Variants in GABBR2 observed in about 807,000 individuals in gnomAD.
GABBR2 encodes G-protein coupled receptor 51.
A neutral mutation model predicts 105.6 loss-of-function variants in GABBR2; 23 were observed. That is an observed-to-expected ratio of 0.22 (90% CI 0.16 to 0.31). GABBR2 has a LOEUF of 0.31. Ranked by LOEUF, GABBR2 falls within the 10% of genes least tolerant of loss-of-function variation. GABBR2 has a pLI of 1.00. For missense variants in GABBR2, 734 were observed against 1,245.5 expected (o/e 0.59, Z 6.18); for synonymous variants, 478 against 499.7 (o/e 0.96, Z 0.58).
chr9:98,426,248 G>A (rs957013643), intron 7 of GABBR2, among the ~76,000 whole-genome samples: 9 of 152,204 alleles, frequency 5.9e-5, no homozygotes, highest in South Asian at 2.1e-4. Context: ...CAGAGTCAGC[G>A]CAGTGTGACA....
intron 3 of GABBR2, among the ~76,000 whole-genome samples, chr9:98,538,194 C>A (rs375249301): frequency 6.6e-6 from 1 of 152,296 alleles, no homozygotes; most frequent in Admixed American, 6.5e-5. Flanking sequence ...GATAAATAGC[C>A]CCATTTTACA....
At chr9:98,341,075 G>T (rs773270334) in intron 13 of GABBR2, among the ~76,000 whole-genome samples, 7 of 152,242 alleles carry the variant, frequency 4.6e-5, no homozygotes, top group Non-Finnish European at 8.8e-5. Context: ...TTTGTGATTT[G>T]TGTCCTAATG....
intron 3 of GABBR2, among the ~76,000 whole-genome samples, chr9:98,530,204 A>G (rs1413517820): frequency 6.6e-6 from 1 of 152,228 alleles, no homozygotes; most frequent in Non-Finnish European, 1.5e-5. Context: ...GAGATTCCCA[A>G]CTTGAGAAAA....
At chr9:98,476,151 T>C (rs1826789300) in intron 5 of GABBR2, among the ~76,000 whole-genome samples, 1 of 152,152 alleles carries the variant, frequency 6.6e-6, no homozygotes, top group African/African-American at 2.4e-5. Context: ...TCTTCACACA[T>C]GTGATAATTA....
intron 3 of GABBR2, among the ~76,000 whole-genome samples, chr9:98,533,103 C>G (rs1440218611): frequency 6.6e-6 from 1 of 152,168 alleles, no homozygotes; most frequent in Non-Finnish European, 1.5e-5. Context: ...CTGCAGGAGT[C>G]AGACTTGCTG....
intron 9 of GABBR2, among the ~76,000 whole-genome samples, chr9:98,393,082 T>C (rs1251019552): frequency 8.7e-6 from 1 of 114,312 alleles, no homozygotes; most frequent in Non-Finnish European, 1.8e-5. Context: ...ACACACCCAC[T>C]CATCCACCCA....
chr9:98,501,127 C>G (rs1036795935), intron 3 of GABBR2, among the ~76,000 whole-genome samples: 3 of 37,676 alleles, frequency 8.0e-5, no homozygotes, highest in Admixed American at 4.0e-4. Context: ...GAACCACTGC[C>G]CCCCCCCCTT....
At chr9:98,456,502 C>T (rs10818955) in intron 6 of GABBR2, among the ~76,000 whole-genome samples, 44,672 of 152,028 alleles carry the variant, frequency 0.29, 7,480 homozygotes, top group Non-Finnish European at 0.38. Context: ...CCTCCCTTCC[C>T]ACCCACCTAG....
intron 3 of GABBR2, among the ~76,000 whole-genome samples, chr9:98,500,812 C>A (rs1054756814): frequency 6.6e-6 from 1 of 152,116 alleles, no homozygotes; most frequent in Admixed American, 6.5e-5. Context: ...CAAACAGTGG[C>A]CCCTGCACCA....
intron 1 of GABBR2, among the ~76,000 whole-genome samples, chr9:98,676,649 C>T (rs1830480695): frequency 6.6e-6 from 1 of 152,154 alleles, no homozygotes; most frequent in African/African-American, 2.4e-5. Context: ...GGCAGGGACC[C>T]TATTGCAACT....
At chr9:98,526,884 A>G (rs796307731) in intron 3 of GABBR2, among the ~76,000 whole-genome samples, 121 of 152,266 alleles carry the variant, frequency 7.9e-4, no homozygotes, top group African/African-American at 2.7e-3. Flanking sequence ...ACACTGAGTA[A>G]ATAAAAATAG....
intron 1 of GABBR2, among the ~76,000 whole-genome samples, chr9:98,599,643 G>C (rs1443138260): frequency 6.6e-6 from 1 of 152,262 alleles, no homozygotes; most frequent in Non-Finnish European, 1.5e-5. Flanking sequence ...AGGCCCCTCA[G>C]ACACAGTATG....
intron 3 of GABBR2, among the ~76,000 whole-genome samples, chr9:98,520,043 C>T (rs1827835588): frequency 6.6e-6 from 1 of 152,150 alleles, no homozygotes; most frequent in African/African-American, 2.4e-5. Flanking sequence ...TGCTGGGCTA[C>T]CTTGGGTGAG....
At chr9:98,420,768 T>C (rs1274348854) in intron 7 of GABBR2, among the ~76,000 whole-genome samples, 2 of 152,098 alleles carry the variant, frequency 1.3e-5, no homozygotes, top group Admixed American at 6.5e-5. Context: ...AGGTTGGGGA[T>C]GGTGAGAGTG....
chr9:98,484,536 C>A (rs533707827), intron 4 of GABBR2, among the ~76,000 whole-genome samples: 1 of 151,736 alleles, frequency 6.6e-6, no homozygotes, highest in South Asian at 2.1e-4. Context: ...AGGAGCAGCC[C>A]GGAATCCAGG....
intron 8 of GABBR2, among the ~76,000 whole-genome samples, chr9:98,404,026 C>A (rs1832446217): frequency 6.6e-6 from 1 of 151,320 alleles, no homozygotes. Context: ...CCAGATATGC[C>A]TAAATAGTGA....
At chr9:98,619,393 C>A (rs929571300) in intron 1 of GABBR2, among the ~76,000 whole-genome samples, 1 of 152,030 alleles carries the variant, frequency 6.6e-6, no homozygotes. Flanking sequence ...TCATTAAGTA[C>A]AGCCCAGAAA....
intron 11 of GABBR2, among the ~76,000 whole-genome samples, chr9:98,383,102 C>T (rs1029379916): frequency 1.4e-4 from 21 of 152,186 alleles, no homozygotes; most frequent in Non-Finnish European, 2.6e-4. Flanking sequence ...CCTCCATGCC[C>T]GGCTAATTTT....
chr9:98,429,232 C>T (rs1306758984), intron 7 of GABBR2, among the ~76,000 whole-genome samples: 6 of 151,774 alleles, frequency 4.0e-5, no homozygotes, highest in African/African-American at 1.2e-4. Context: ...CTCCACCTCC[C>T]GAGTTCAAGC....
Sources: allele counts gnomAD v4.1 joint callset (sites outside exome capture counted in the v4.1 genomes callset), GRCh38; gene constraint gnomAD v4.1.1; transcripts MANE v1.5; gene names NCBI Gene and HGNC (gene_info 2026-07-23, HGNC 2026-07-21).